Variants in SLC26A7 observed in about 807,000 individuals in gnomAD.
SLC26A7 encodes solute carrier family 26 member 7.
SLC26A7 carries 59 observed loss-of-function variants against 82.5 expected under a neutral mutation model. The observed-to-expected ratio is 0.72, with a 90% CI of 0.58 to 0.89. The LOEUF is 0.89. Ranked by LOEUF, SLC26A7 falls within the 40% of genes least tolerant of loss-of-function variation. The pLI is 0.00. For missense variants in SLC26A7, 820 were observed against 793.0 expected (o/e 1.03, Z -0.41); for synonymous variants, 271 against 274.3 (o/e 0.99, Z 0.12).
chr8:91,273,766 G>A (rs1490143458), intron 2 of SLC26A7, among the ~76,000 whole-genome samples: 2 of 152,100 alleles, frequency 1.3e-5, no homozygotes, highest in African/African-American at 2.4e-5. Flanking sequence ...CTTATCTTCC[G>A]ATAACACTTT....
intron 11 of SLC26A7, among the ~76,000 whole-genome samples, chr8:91,354,679 A>G (rs1169309645): frequency 1.3e-5 from 2 of 152,170 alleles, no homozygotes; most frequent in Non-Finnish European, 2.9e-5. Flanking sequence ...AGGAAGACCT[A>G]GACCAAGGCT....
At chr8:91,262,401 G>A (rs768145023) in intron 2 of SLC26A7, among the ~76,000 whole-genome samples, 3 of 152,030 alleles carry the variant, frequency 2.0e-5, no homozygotes, top group Non-Finnish European at 4.4e-5. Context: ...AATCTAGGAA[G>A]CCAACAGCAA....
Position 91,393,939 on chromosome 8 carries a change from C to A in SLC26A7, c.1835C>A (p.Ser612Tyr). The A allele has an allele frequency of 1.2e-6, 2 of 1,613,238 alleles. No individual in the cohort carries two copies. The highest frequency in any genetic ancestry group is 4.5e-5 in the East Asian group (2 of 44,840). The change falls in exon 18 of 19, where the codon TCC becomes TAC. Residue 612 changes from serine (S) to tyrosine (Y), a missense_variant. By Grantham distance (144) the Ser-to-Tyr change is moderately radical. Transcript: ENST00000276609. ...TATCACTTGTGCTTTCTTGAAGCTT[C>A]CTTGATAAAAGCAATGACGTATTAT... is the stretch of plus-strand genomic sequence containing the variant. ...VDVLLAHCTA[S>Y]LIKAMTYYGN...
intron 15 of SLC26A7, among the ~76,000 whole-genome samples, chr8:91,384,721 C>G (rs1029336358): frequency 6.6e-6 from 1 of 151,672 alleles, no homozygotes; most frequent in Admixed American, 6.6e-5. Flanking sequence ...TAGGACAGTG[C>G]TTAGAGTAGG....
At chr8:91,315,471 A>AAAAT (rs373426570) in intron 4 of SLC26A7, among the ~76,000 whole-genome samples, 29 of 151,336 alleles carry the variant, frequency 1.9e-4, no homozygotes, top group African/African-American at 6.8e-4. Context: ...AAAAAAAAAA[A>AAAAT]CACCATGTTC....
At chr8:91,231,024 C>G (rs534055009) in intron 2 of SLC26A7, among the ~76,000 whole-genome samples, 3 of 152,014 alleles carry the variant, frequency 2.0e-5, no homozygotes, top group Non-Finnish European at 4.4e-5. Context: ...ACATGAATAG[C>G]TGGAAACTTT....
At chr8:91,348,203 CCTT>C in intron 9 of SLC26A7, 1 of 445,274 alleles carries the variant, frequency 2.2e-6, no homozygotes, top group East Asian at 1.5e-4. Flanking sequence ...TCCTTTAAAA[CCTT>C]CTTAATCTAG....
At chr8:91,371,299 T>A (rs1269251124) in intron 15 of SLC26A7, among the ~76,000 whole-genome samples, 1 of 151,832 alleles carries the variant, frequency 6.6e-6, no homozygotes, top group African/African-American at 2.4e-5. Flanking sequence ...ATTTTTATTT[T>A]ATTGTAGATT....
intron 15 of SLC26A7, among the ~76,000 whole-genome samples, chr8:91,370,138 T>C (rs984395296): frequency 3.3e-5 from 5 of 152,004 alleles, no homozygotes; most frequent in Admixed American, 3.3e-4. Context: ...CCTTCACTTC[T>C]AGTCTTCTTT....
intron 6 of SLC26A7, among the ~76,000 whole-genome samples, chr8:91,337,840 C>A (rs1813286850): frequency 6.6e-6 from 1 of 152,094 alleles, no homozygotes; most frequent in Admixed American, 6.6e-5. Flanking sequence ...TGTCTTCATG[C>A]ACACACACAC....
intron 3 of SLC26A7, among the ~76,000 whole-genome samples, chr8:91,295,269 A>C (rs749735088): frequency 6.6e-6 from 1 of 152,174 alleles, no homozygotes; most frequent in Non-Finnish European, 1.5e-5. Context: ...ATCTGCAGAG[A>C]GGTGGGAAAA....
At chr8:91,390,713 C>T (rs1159924449) in intron 16 of SLC26A7, among the ~76,000 whole-genome samples, 9 of 152,078 alleles carry the variant, frequency 5.9e-5, no homozygotes, top group Non-Finnish European at 1.3e-4. Context: ...CACCATTGAT[C>T]TCTCCCTGAG....
intron 15 of SLC26A7, among the ~76,000 whole-genome samples, chr8:91,379,034 C>A (rs994117769): frequency 3.3e-5 from 5 of 151,502 alleles, no homozygotes; most frequent in Non-Finnish European, 7.4e-5. Context: ...AGAGAAAATA[C>A]ATAAAAGCTA....
chr8:91,235,650 T>C (rs555684803), intron 2 of SLC26A7, among the ~76,000 whole-genome samples: 1 of 152,184 alleles, frequency 6.6e-6, no homozygotes, highest in Non-Finnish European at 1.5e-5. Flanking sequence ...TAAAAAAGAT[T>C]AGTTCTTTAA....
chr8:91,299,467 G>A (rs1812103777), intron 4 of SLC26A7, among the ~76,000 whole-genome samples: 2 of 151,628 alleles, frequency 1.3e-5, no homozygotes, highest in South Asian at 4.2e-4. Flanking sequence ...TGGAGTTTAT[G>A]CTTGTGAGTG....
rs1316821687 is a variant in SLC26A7, at chr8:91,366,709, A to G, written c.1618A>G (p.Ile540Val). The G allele has an allele frequency of 1.6e-5, 26 of 1,612,296 alleles. No homozygotes were observed. The highest frequency in any genetic ancestry group is 2.2e-5 in the Non-Finnish European group (26 of 1,179,586). ...TGCCTGTAATCAGCCACTTGATGAT[A>G]TCAGCAAGGTAGGATCAATGGTTTG... ...ENACNQPLDD[I>V]SKCEQNTLLN... is the part of the protein sequence containing the mutation. The change falls in exon 14 of 19, where the codon ATC becomes GTC. Residue 540 changes from isoleucine (I) to valine (V), a missense_variant. Ile to Val is a conservative substitution (Grantham distance 29, BLOSUM62 3). Coordinates refer to ENST00000276609, the MANE Select transcript of SLC26A7 (RefSeq NM_052832.4).
intron 1 of SLC26A7, among the ~76,000 whole-genome samples, chr8:91,211,142 A>G (rs1809907936): frequency 6.6e-6 from 1 of 152,152 alleles, no homozygotes; most frequent in Admixed American, 6.5e-5. Context: ...TTATATGTGT[A>G]GATACATTGA....
chr8:91,363,967 A>T lies in SLC26A7; in HGVS notation c.1488+429A>T, dbSNP rs1448678. Among the ~76,000 whole-genome samples, 136 of 148,106 alleles carry T rather than the reference A, an allele frequency of 9.2e-4. 1 individual carries two copies. Among genetic ancestry groups the T allele is most frequent in the African/African-American group, 3.3e-3 (134 of 40,124 alleles). On this transcript the variant is annotated intron_variant, in intron 13 of 18. Transcript: ENST00000276609. ...TTTTTTTTTTTTTTTTTCTTAACTC[A>T]GTCAATGAGACTGTATGTTAGCAGA...
chr8:91,293,667 C>G (rs1432629505), intron 3 of SLC26A7, among the ~76,000 whole-genome samples: 1 of 152,174 alleles, frequency 6.6e-6, no homozygotes, highest in African/African-American at 2.4e-5. Context: ...CTGTTCGATT[C>G]CTTCCCATCT....
Sources: allele counts gnomAD v4.1 joint callset (sites outside exome capture counted in the v4.1 genomes callset), GRCh38; gene constraint gnomAD v4.1.1; transcripts MANE v1.5; gene names NCBI Gene and HGNC (gene_info 2026-07-23, HGNC 2026-07-21).